Variants in USP35 observed in about 807,000 individuals in gnomAD.
USP35 encodes the protein ubiquitin specific peptidase 35.
Under a neutral mutation model 83.8 loss-of-function variants are expected in USP35, and 69 were observed. That is an observed-to-expected ratio of 0.82 (90% CI 0.68 to 1.01). The LOEUF (loss-of-function observed/expected upper bound fraction) is 1.01. Ranked by LOEUF, USP35 falls within the 50% of genes least tolerant of loss-of-function variation. USP35 has a pLI of 0.00. For missense variants in USP35, 1,503 were observed against 1,362.5 expected, an observed-to-expected ratio of 1.10 and a Z score of -1.62; for synonymous variants, 714 against 589.5, an observed-to-expected ratio of 1.21 and a Z score of -3.06.
intron 7 of USP35, chr11:78,207,326 ATTG>A (rs1863559140): frequency 1.8e-6 from 1 of 564,378 alleles, no homozygotes; most frequent in Admixed American, 3.0e-5. Context: ...AAACATGTCT[ATTG>A]TTGTGTTCCT....
chr11:78,190,441 G>A (rs1173440705), intron 1 of USP35, among the ~76,000 whole-genome samples: 9 of 152,192 alleles, frequency 5.9e-5, no homozygotes, highest in African/African-American at 2.2e-4. Flanking sequence ...CAAAGGTTAG[G>A]CCAGTTTCTG....
chr11:78,191,243 C>T (rs574623236), intron 1 of USP35, among the ~76,000 whole-genome samples: 1 of 152,354 alleles, frequency 6.6e-6, no homozygotes, highest in South Asian at 2.1e-4. Context: ...GATCAGTCAA[C>T]ACTCGGCAGA....
Position 78,196,701 on chromosome 11 carries a change from G to A in USP35, c.456G>A (p.Pro152=). Residue 152 remains proline, a synonymous_variant, in exon 2 of 11, where the codon CCG becomes CCA. Transcript: ENST00000529308. This position sits in a 1 kb window ranked among gnomAD's most constrained non-coding sequence, Gnocchi z 4.8. ...TGGCACGGCTGCTGGCTCGCCACCC[G>A]CGCTGTGTGCCCGACGGACCCCACC... ...AQVARLLARH[P]RCVPDGPHRL... 6.6e-7 allele frequency: 1 copy of A among 1,523,060 alleles called. No homozygotes were observed. Among genetic ancestry groups the A allele is most frequent in the East Asian group, 2.5e-5 (1 of 40,110 alleles). 94.3% of individuals were successfully genotyped at this position (1,523,060 alleles called of 1,614,324 possible).
Position 78,209,901 on chromosome 11 carries a change from A to AG in USP35, c.2049dup (p.Lys684GlufsTer45). ...AGGAAAGGATAGAGAGGGAGGAAGA[A>AG]GGGAAGGAGGAGAGAACGGAGAAGG... On this transcript the variant is annotated frameshift_variant, in exon 10 of 11. Transcript: ENST00000529308. LOFTEE classifies it high-confidence loss of function. The AG allele has an allele frequency of 6.2e-7, 1 of 1,602,150 alleles. No individual in the cohort carries two copies. The highest frequency in any genetic ancestry group is 1.1e-5 in the South Asian group (1 of 89,952).
chr11:78,200,766 G>A lies in USP35; in HGVS notation c.1155G>A (p.Pro385=), dbSNP rs373688044. 44 of 1,613,932 alleles carry A rather than the reference G, an allele frequency of 2.7e-5. No homozygotes were observed. The highest frequency in any genetic ancestry group is 3.1e-5 in the Non-Finnish European group (36 of 1,179,952). The change falls in exon 6 of 11, where the codon CCG becomes CCA. Residue 385 remains proline, a synonymous_variant. Coordinates refer to ENST00000529308, the MANE Select transcript of USP35 (RefSeq NM_020798.4). ...ELVHCMVFRF[P]GFPDLYEPVM... is the part of the protein sequence containing the mutation. ...TCCACTGCATGGTGTTCCGGTTCCC[G>A]GGCTTCCCGGATCTGTATGAGCCTG... is the stretch of plus-strand genomic sequence containing the variant.
In USP35 at chr11:78,207,517, C is replaced by T; in HGVS notation, c.1392-13C>T. On this transcript the variant is annotated splice_polypyrimidine_tract_variant and intron_variant, in intron 7 of 10. Transcript: ENST00000529308. ...CCATGGCTTACCCTGGGTGCCCCTGCTTTGTTTTGAAGCTTCAGACATTGT... is the reference window on the plus strand; with the variant it reads ...CCATGGCTTACCCTGGGTGCCCCTGTTTTGTTTTGAAGCTTCAGACATTGT... The T allele has an allele frequency of 6.2e-7, 1 of 1,613,760 alleles. No individual in the cohort carries two copies. The highest frequency in any genetic ancestry group is 1.1e-5 in the South Asian group (1 of 91,072).
In USP35 at chr11:78,210,226, GC is replaced by G; in HGVS notation, c.2373del (p.Glu792ArgfsTer6). 3 of 1,614,010 alleles carry G rather than the reference GC, an allele frequency of 1.9e-6. No homozygotes were observed. The highest frequency in any genetic ancestry group is 2.5e-6 in the Non-Finnish European group (3 of 1,180,016). ...YCESCASLQD[A>X]EKVVELSQGP... The stretch of plus-strand genomic sequence containing the variant: ...CGAGTCGTGTGCCTCCCTGCAGGAT[GC>G]CGAGAAGGTGGTGGAGCTGAGCCAA... On this transcript the variant is annotated frameshift_variant, in exon 10 of 11. Transcript: ENST00000529308. LOFTEE classifies it high-confidence loss of function.
At chr11:78,235,382 G>A in the USP35 span, among the ~76,000 whole-genome samples, 1 of 152,014 alleles carries the variant, frequency 6.6e-6, no homozygotes, top group Non-Finnish European at 1.5e-5. Flanking sequence ...TCGATCTCCT[G>A]ACCTTGAGAT....
At chr11:78,216,618 A>T (rs570535764), downstream of USP35, 1 of 150,030 alleles carries the variant, frequency 6.7e-6, no homozygotes, top group Admixed American at 6.6e-5. Flanking sequence ...TAGTTACCAG[A>T]ATAGGGGGCT....
the USP35 span, among the ~76,000 whole-genome samples, chr11:78,221,362 G>A: frequency 6.6e-6 from 1 of 152,142 alleles, no homozygotes; most frequent in Non-Finnish European, 1.5e-5. Context: ...CTCCACCACT[G>A]AGGAGATACC....
chr11:78,234,572 A>G, the USP35 span, among the ~76,000 whole-genome samples: 1 of 147,998 alleles, frequency 6.8e-6, no homozygotes, highest in Non-Finnish European at 1.5e-5. Context: ...TATACTTTTA[A>G]TAATTATATA....
chr11:78,195,905 G>GT (rs748031737), intron 1 of USP35, among the ~76,000 whole-genome samples: 9 of 152,092 alleles, frequency 5.9e-5, no homozygotes, highest in East Asian at 1.9e-4. Context: ...TAATGTTTGT[G>GT]TTTTTTGTAG....
chr11:78,195,136 G>A (rs1339745779), intron 1 of USP35, among the ~76,000 whole-genome samples: 1 of 152,156 alleles, frequency 6.6e-6, no homozygotes, highest in Non-Finnish European at 1.5e-5. Context: ...GAGATGCTGT[G>A]CTTCGGTGGA....
At chr11:78,226,636 C>T in the USP35 span, 1 of 1,613,806 alleles carries the variant, frequency 6.2e-7, no homozygotes, top group Non-Finnish European at 8.5e-7. Flanking sequence ...ATGGCTGAGT[C>T]CCCAGGAGTG....
At chr11:78,213,521 A>ATGTC in intron 10 of USP35, 125 bp from the exon 11 acceptor site, 2 of 1,138,670 alleles carry the variant, frequency 1.8e-6, no homozygotes, top group Non-Finnish European at 2.3e-6. Flanking sequence ...CTGAGCTGCA[A>ATGTC]TGTCTCTGTG....
At chr11:78,202,200 G>A (rs1863378700) in intron 6 of USP35, among the ~76,000 whole-genome samples, 1 of 152,208 alleles carries the variant, frequency 6.6e-6, no homozygotes, top group Non-Finnish European at 1.5e-5. Context: ...GGGACAGGAG[G>A]TCAGACTTTG....
At chr11:78,233,417 T>C in the USP35 span, among the ~76,000 whole-genome samples, 11 of 152,236 alleles carry the variant, frequency 7.2e-5, no homozygotes, top group Admixed American at 7.2e-4. Context: ...CCCAGATCAC[T>C]GATCATCTAT....
rs373989662 is a variant in USP35 at position 78,209,610 on chromosome 11, C to T, written c.1755C>T (p.Asn585=). ...GGATCTGCTGTCTCTGCTGCCTCAACGTCTCCTCCCGGGAGGAGGCCTTCA... is the reference window on the plus strand; with the variant it reads ...GGATCTGCTGTCTCTGCTGCCTCAATGTCTCCTCCCGGGAGGAGGCCTTCA... ...VTRICCLCCL[N]VSSREEAFTD... The change falls in exon 10 of 11, where the codon AAC becomes AAT. Residue 585 remains asparagine (N), a synonymous_variant. Transcript: ENST00000529308. 44 of 1,614,032 alleles carry T rather than the reference C, an allele frequency of 2.7e-5. No individual in the cohort carries two copies. The highest frequency in any genetic ancestry group is 6.7e-5 in the Admixed American group (4 of 60,004).
intron 6 of USP35, among the ~76,000 whole-genome samples, chr11:78,204,871 G>A (rs972444436): frequency 1.3e-5 from 2 of 152,194 alleles, no homozygotes; most frequent in African/African-American, 4.8e-5. Context: ...AACCCCACTG[G>A]GTGAGCAAGA....
Sources: allele counts gnomAD v4.1 joint callset (sites outside exome capture counted in the v4.1 genomes callset), GRCh38; gene constraint gnomAD v4.1.1; non-coding constraint Gnocchi (gnomAD v3.1); transcripts MANE v1.5; gene names NCBI Gene and HGNC (gene_info 2026-07-23, HGNC 2026-07-21).